Variants in SLC10A7 observed in about 807,000 individuals in gnomAD.
SLC10A7 encodes the protein sodium/bile acid cotransporter 7.
A neutral mutation model predicts 43.2 loss-of-function variants in SLC10A7; 29 were observed. That is an observed-to-expected ratio of 0.67 (90% CI 0.50 to 0.92). The LOEUF (loss-of-function observed/expected upper bound fraction) is 0.92. Ranked by LOEUF, SLC10A7 falls within the 40% of genes least tolerant of loss-of-function variation. The pLI, the probability that SLC10A7 is intolerant of heterozygous loss-of-function variation, is 0.00. For synonymous variants in SLC10A7, 152 were observed against 144.8 expected, an observed-to-expected ratio of 1.05 and a Z score of -0.35; for missense variants, 295 against 403.2, an observed-to-expected ratio of 0.73 and a Z score of 2.30.
chr4:146,315,558 G>T (rs374714319), intron 6 of SLC10A7, among the ~76,000 whole-genome samples: 1 of 152,180 alleles, frequency 6.6e-6, no homozygotes, highest in East Asian at 1.9e-4. Flanking sequence ...TTTTCTTTCA[G>T]TAGAAAATTT....
intron 5 of SLC10A7, among the ~76,000 whole-genome samples, chr4:146,341,950 A>C (rs1734291931): frequency 1.3e-5 from 2 of 151,972 alleles, no homozygotes; most frequent in African/African-American, 4.8e-5. Context: ...AGAAAAGTAC[A>C]AAGAAAAATT....
At position 146,456,605 on chromosome 4, in the gene SLC10A7, G is replaced by T. The variant is rs1320496333; in HGVS notation, c.397-13784C>A. Among the ~76,000 whole-genome samples, 5 of 151,840 alleles carry T rather than the reference G, an allele frequency of 3.3e-5. No homozygotes were observed. In the East Asian group the frequency reaches 9.6e-4, roughly 29 times the overall value. On this transcript the variant is annotated intron_variant, in intron 4 of 11. Transcript: ENST00000335472. ...TTAACAATTACAGTTTAATTATAAG[G>T]GATACACATTAGGCAAGGTCTGGGA... is the stretch of plus-strand genomic sequence containing the variant.
At chr4:146,467,116 C>G (rs1733098945) in intron 4 of SLC10A7, among the ~76,000 whole-genome samples, 1 of 152,116 alleles carries the variant, frequency 6.6e-6, no homozygotes, top group Admixed American at 6.5e-5. Flanking sequence ...TACTCAATGC[C>G]AGGATTTACC....
intron 4 of SLC10A7, among the ~76,000 whole-genome samples, chr4:146,462,084 A>G (rs902264288): frequency 1.3e-5 from 2 of 152,204 alleles, no homozygotes; most frequent in East Asian, 3.9e-4. Flanking sequence ...TTTTCAAAAT[A>G]AAGTCTAAAT....
At chr4:146,350,482 C>A (rs1215012942) in intron 5 of SLC10A7, among the ~76,000 whole-genome samples, 4 of 141,836 alleles carry the variant, frequency 2.8e-5, no homozygotes, top group East Asian at 2.0e-4. Context: ...CCCAGGCTTG[C>A]TTAGGTAAAC....
chr4:146,298,029 A>AT (rs921825040), intron 7 of SLC10A7, among the ~76,000 whole-genome samples: 1 of 152,134 alleles, frequency 6.6e-6, no homozygotes, highest in African/African-American at 2.4e-5. Context: ...TACGACCCCT[A>AT]TTTCCTGAGG....
At chr4:146,502,804 T>TA (rs1016681732) in intron 4 of SLC10A7, among the ~76,000 whole-genome samples, 6 of 152,126 alleles carry the variant, frequency 3.9e-5, no homozygotes, top group Non-Finnish European at 8.8e-5. Flanking sequence ...CATAAAACTC[T>TA]AAAAAACGCA....
At chr4:146,311,419 G>C (rs1350340761) in intron 6 of SLC10A7, among the ~76,000 whole-genome samples, 1 of 152,144 alleles carries the variant, frequency 6.6e-6, no homozygotes, top group East Asian at 1.9e-4. Flanking sequence ...TAATGCACCA[G>C]TTCTTCACTT....
At chr4:146,256,622 G>A (rs1727901365) in intron 11 of SLC10A7, 102 bp from the exon 12 acceptor site, 1 of 1,306,834 alleles carries the variant, frequency 7.7e-7, no homozygotes, top group Non-Finnish European at 1.1e-6. Context: ...GGAAGAAGAG[G>A]CCCACCCAGA....
chr4:146,256,981 T>G (rs1228425722), intron 11 of SLC10A7: 2 of 1,303,806 alleles, frequency 1.5e-6, no homozygotes, highest in Admixed American at 4.1e-5. Context: ...TTAGTCTCCC[T>G]TTTGGAAATG....
intron 5 of SLC10A7, among the ~76,000 whole-genome samples, chr4:146,328,630 T>A (rs1733322064): frequency 6.6e-6 from 1 of 151,768 alleles, no homozygotes; most frequent in East Asian, 1.9e-4. Flanking sequence ...ACCTCTGGGG[T>A]CCATGGACTG....
intron 5 of SLC10A7, among the ~76,000 whole-genome samples, chr4:146,399,286 A>G (rs112992977): frequency 4.5e-4 from 68 of 152,268 alleles, no homozygotes; most frequent in African/African-American, 1.6e-3. Context: ...GTGGAGCCAC[A>G]GAGGAAGGGC....
intron 6 of SLC10A7, among the ~76,000 whole-genome samples, chr4:146,315,480 T>C (rs1321446865): frequency 6.6e-6 from 1 of 152,098 alleles, no homozygotes; most frequent in African/African-American, 2.4e-5. Context: ...AAAACTGAAG[T>C]AAGAAAGAGA....
At chr4:146,496,096 TGTG>T (rs1735876554) in intron 4 of SLC10A7, among the ~76,000 whole-genome samples, 1 of 152,210 alleles carries the variant, frequency 6.6e-6, no homozygotes, top group African/African-American at 2.4e-5. Flanking sequence ...TGACCTCACT[TGTG>T]GTACATTTTG....
At chr4:146,356,344 A>C (rs1351457867) in intron 5 of SLC10A7, among the ~76,000 whole-genome samples, 3 of 152,104 alleles carry the variant, frequency 2.0e-5, no homozygotes, top group Non-Finnish European at 4.4e-5. Flanking sequence ...TATATTACTA[A>C]CTATTGTTCC....
chr4:146,430,931 G>T (rs950221040), intron 5 of SLC10A7, among the ~76,000 whole-genome samples: 1 of 152,036 alleles, frequency 6.6e-6, no homozygotes, highest in Admixed American at 6.5e-5. Flanking sequence ...TTAAGATTAT[G>T]AATTTTATTT....
chr4:146,299,879 C>T (rs1731044984), intron 7 of SLC10A7, among the ~76,000 whole-genome samples: 1 of 152,014 alleles, frequency 6.6e-6, no homozygotes, highest in African/African-American at 2.4e-5. Flanking sequence ...CGGGGTTGGG[C>T]CTTTGTGAAG....
chr4:146,278,243 T>C (rs1729331794), intron 10 of SLC10A7, among the ~76,000 whole-genome samples: 1 of 152,190 alleles, frequency 6.6e-6, no homozygotes, highest in African/African-American at 2.4e-5. Context: ...TATTCAAGAT[T>C]GTTTAGGTAA....
intron 4 of SLC10A7, among the ~76,000 whole-genome samples, chr4:146,495,766 A>AACACACACACACAC (rs57202992): frequency 3.4e-3 from 481 of 139,600 alleles, no homozygotes; most frequent in East Asian, 0.013. Context: ...GATGAAAGTA[A>AACACACACACACAC]ACACACACAC....
Sources: gnomAD v4.1 joint callset for allele counts (sites outside exome capture counted in the v4.1 genomes callset) on GRCh38, gnomAD v4.1.1 for gene constraint, MANE v1.5 for transcripts, NCBI Gene and HGNC (gene_info 2026-07-23, HGNC 2026-07-21) for gene names.